ZNF358: variants seen among roughly 807,000 people sequenced by gnomAD.
ZNF358 encodes zinc finger protein 358.
In ZNF358, 1 loss-of-function variant was observed where a neutral mutation model predicts 2.1. The observed-to-expected ratio is 0.49, with a 90% confidence interval of 0.17 to 2.30. The LOEUF is 2.30. ZNF358 is among the 30% of genes most tolerant of loss of function. The pLI, the probability that ZNF358 is intolerant of heterozygous loss-of-function variation, is 0.26. For synonymous variants in ZNF358, 381 were observed against 359.7 expected (o/e 1.06, Z -0.67); for missense variants, 665 against 806.8 (o/e 0.82, Z 2.13).
intron 1 of ZNF358, among the ~76,000 whole-genome samples, chr19:7,518,593 A>AAGAAAGAAAG (rs1555740185): frequency 3.3e-5 from 5 of 150,400 alleles, no homozygotes; most frequent in Admixed American, 6.6e-5. Flanking sequence ...GAAAGAAAGA[A>AAGAAAGAAAG]AGAAAGAATT....
In ZNF358 at chr19:7,516,214, G is replaced by A. The variant is rs1404831792; in HGVS notation, c.-74G>A. ...CCCGGGGGGAGCCGGCGGCCGGCGC[G>A]GGCGCGGCGGGCCGGGCAGGGGCGA... On this transcript the variant is annotated 5_prime_UTR_variant, in exon 1 of 2. Coordinates refer to ENST00000597229, the MANE Select transcript of ZNF358 (RefSeq NM_018083.5). This position sits in a 1 kb window ranked among gnomAD's most constrained non-coding sequence, Gnocchi z 5.9. 1 of 140,550 alleles carries A rather than the reference G, an allele frequency of 7.1e-6. No homozygotes were observed. Among genetic ancestry groups the A allele is most frequent in the Non-Finnish European group, 1.6e-5 (1 of 63,400 alleles). The allele number at this position is 140,550 out of a possible 1,614,324, so 8.7% of individuals were successfully genotyped here.
At chr19:7,519,061 T>G in intron 1 of ZNF358, 144 bp from the exon 2 acceptor site, 1 of 833,476 alleles carries the variant, frequency 1.2e-6, no homozygotes, top group Non-Finnish European at 1.6e-6. Flanking sequence ...CGAGACCCCA[T>G]CTCAAAAAAA....
rs935081624 is a variant in ZNF358, at chr19:7,519,583, G to A, written c.341G>A (p.Ser114Asn). The A allele has an allele frequency of 8.7e-6, 14 of 1,600,104 alleles. No homozygotes were observed. Among genetic ancestry groups the A allele is most frequent in the Non-Finnish European group, 1.2e-5 (14 of 1,179,876 alleles). Reference protein sequence around the residue: ...LILDPNSDTLSPGDPKVDPIS... With the variant: ...LILDPNSDTLNPGDPKVDPIS... Reference sequence around the variant, plus strand: ...CTCGATCCTAACAGCGACACCCTCAGCCCCGGCGATCCAAAAGTGGACCCC... The same window carrying A: ...CTCGATCCTAACAGCGACACCCTCAACCCCGGCGATCCAAAAGTGGACCCC... The change falls in exon 2 of 2, where the codon AGC becomes AAC. Residue 114 changes from serine (S) to asparagine (N), a missense_variant. Ser to Asn is a conservative substitution (Grantham distance 46). Coordinates refer to ENST00000597229, the MANE Select transcript of ZNF358 (RefSeq NM_018083.5).
chr19:7,518,541 AAGAAAG>A (rs1317385668), intron 1 of ZNF358, among the ~76,000 whole-genome samples: 17 of 86,006 alleles, frequency 2.0e-4, no homozygotes, highest in African/African-American at 8.2e-4. Flanking sequence ...GAAAGAAAGA[AAGAAAG>A]AGAGAGAGAG....
Position 7,520,471 on chromosome 19 carries a change from C to T in ZNF358, c.1229C>T (p.Ala410Val). 3.2e-6 allele frequency: 4 copies of T among 1,234,624 alleles called. No individual in the cohort carries two copies. The highest frequency in any genetic ancestry group is 4.4e-6 in the Non-Finnish European group (4 of 916,188). 76.5% of individuals were successfully genotyped at this position (1,234,624 alleles called of 1,614,324 possible). The change falls in exon 2 of 2, where the codon GCA (alanine) becomes GTA (valine). Residue 410 changes from alanine (A) to valine (V), a missense_variant. Physicochemically the swap from Ala to Val is moderately conservative, Grantham distance 64 (BLOSUM62 0). Around this residue, in one of 3 missense-constraint regions of ZNF358, gnomAD observed 249 missense variants for 227.6 expected, o/e 1.09. Transcript: ENST00000597229. This position sits in a 1 kb window ranked among gnomAD's most constrained non-coding sequence, Gnocchi z 6.0. ...AAAAAAAAAA[A>V]AAAAAAGLGL... is the part of the protein sequence containing the mutation. ...GCTGCTGCAGCTGCCGCGGCCGCTG[C>T]AGCTGCAGCAGCGGCCGCCGGCCTG...
chr19:7,518,114 T>A (rs1435616899), intron 1 of ZNF358, among the ~76,000 whole-genome samples: 1 of 152,154 alleles, frequency 6.6e-6, no homozygotes, highest in Non-Finnish European at 1.5e-5. Flanking sequence ...GGAGCCCAGG[T>A]TGGAGAGAGG....
Position 7,520,002 on chromosome 19 carries a change from C to T in ZNF358, c.760C>T (p.Leu254=). The change falls in exon 2 of 2, where the codon CTG becomes TTG. Residue 254 remains leucine (L), a synonymous_variant. Transcript: ENST00000597229. This position sits in a 1 kb window ranked among gnomAD's most constrained non-coding sequence, Gnocchi z 6.0. ...GCACGGCTCGCTCCTGGCACAGCAC[C>T]TGCGCACGCACGGCGGCCCGCGGCC... ...FGHGSLLAQH[L]RTHGGPRPHK... is the part of the protein sequence containing the mutation. 12 of 1,525,150 alleles carry T rather than the reference C, an allele frequency of 7.9e-6. No individual in the cohort carries two copies. Among genetic ancestry groups the T allele is most frequent in the Non-Finnish European group, 1.1e-5 (12 of 1,141,916 alleles). 94.5% of individuals were successfully genotyped at this position (1,525,150 alleles called of 1,614,324 possible).
upstream of ZNF358, among the ~76,000 whole-genome samples, chr19:7,515,834 G>A (rs1358078975): frequency 6.6e-6 from 1 of 152,126 alleles, no homozygotes; most frequent in Admixed American, 6.6e-5. Flanking sequence ...GATAGGGACG[G>A]AGAGAGACAG....
chr19:7,519,807 A>T lies in ZNF358; in HGVS notation c.565A>T (p.Ser189Cys), dbSNP rs1262207923. The part of the protein sequence containing the change: ...YRCPDCGKSF[S>C]HGATLAQHRG... The stretch of plus-strand genomic sequence containing the variant: ...CTGCCCCGACTGCGGGAAGTCCTTC[A>T]GCCACGGTGCCACCCTGGCTCAGCA... The change falls in exon 2 of 2, where the codon AGC (serine) becomes TGC (cysteine). Residue 189 changes from serine to cysteine, a missense_variant. Transcript: ENST00000597229. 1 of 1,527,302 alleles carries T rather than the reference A, an allele frequency of 6.5e-7. No homozygotes were observed. The highest frequency in any genetic ancestry group is 8.7e-7 in the Non-Finnish European group (1 of 1,143,528). The allele number at this position is 1,527,302 out of a possible 1,614,324, so 94.6% of individuals were successfully genotyped here.
At chr19:7,514,535 G>A (rs555979238), upstream of ZNF358, among the ~76,000 whole-genome samples, 1 of 152,350 alleles carries the variant, frequency 6.6e-6, no homozygotes, top group South Asian at 2.1e-4. Context: ...GAAGGTTCAG[G>A]AAGGAAGAAG....
At position 7,520,856 on chromosome 19, in the gene ZNF358, TC is replaced by T; in HGVS notation, c.1617del (p.Thr540LeufsTer?). The T allele has an allele frequency of 1.2e-5, 20 of 1,614,020 alleles. No individual in the cohort carries two copies. The highest frequency in any genetic ancestry group is 1.7e-5 in the Non-Finnish European group (20 of 1,179,988). On this transcript the variant is annotated frameshift_variant, in exon 2 of 2. Transcript: ENST00000597229. LOFTEE classifies it low-confidence loss of function (END_TRUNC). This position sits in a 1 kb window ranked among gnomAD's most constrained non-coding sequence, Gnocchi z 6.0. ...CTGTGTCCTGCCCTGACCCCTGTTC[TC>T]CCACTCGTGGCACTGTCAGCCCAGC... ...NPVSCPDPCS[P>X]TRGTVSPALP...
At chr19:7,515,608 T>C (rs1306682471), upstream of ZNF358, among the ~76,000 whole-genome samples, 4 of 152,016 alleles carry the variant, frequency 2.6e-5, no homozygotes, top group Admixed American at 6.6e-5. Context: ...AAGAACAACA[T>C]GTGTAGAGTT....
chr19:7,515,677 CAG>C (rs1482714324), upstream of ZNF358, among the ~76,000 whole-genome samples: 1 of 151,768 alleles, frequency 6.6e-6, no homozygotes, highest in Non-Finnish European at 1.5e-5. Flanking sequence ...GAGAGAGAGA[CAG>C]ACAGACACAG....
In ZNF358 at chr19:7,519,505, T is replaced by G. The variant is rs371022931; in HGVS notation, c.263T>G (p.Met88Arg). The G allele has an allele frequency of 1.2e-6, 2 of 1,612,460 alleles. No homozygotes were observed. The highest frequency in any genetic ancestry group is 1.7e-6 in the Non-Finnish European group (2 of 1,179,942). Reference sequence around the variant, plus strand: ...TCGGAACCCCAAGATCCCGACCCCATGTCTTCGAGTTTCGACCTCGATCCA... The same window carrying G: ...TCGGAACCCCAAGATCCCGACCCCAGGTCTTCGAGTTTCGACCTCGATCCA... ...PGSEPQDPDP[M>R]SSSFDLDPDV... Residue 88 changes from methionine (M) to arginine (R), a missense_variant, in exon 2 of 2, where the codon ATG (methionine) becomes AGG (arginine). By Grantham distance (91) the Met-to-Arg change is moderately conservative. Transcript: ENST00000597229.
chr19:7,519,088 G>A (rs118043255), intron 1 of ZNF358, 117 bp from the exon 2 acceptor site: 5,501 of 533,036 alleles, frequency 0.01, 90 homozygotes, highest in African/African-American at 0.057. Context: ...AAAAAAAAAA[G>A]AAGTGGGTTC....
intron 1 of ZNF358, 117 bp from the exon 2 acceptor site, chr19:7,519,085 AAAG>A (rs1003031527): frequency 3.2e-4 from 371 of 1,172,088 alleles, no homozygotes; most frequent in African/African-American, 1.2e-3. Flanking sequence ...AAAAAAAAAA[AAAG>A]AAGTGGGTTC....
At position 7,519,986 on chromosome 19, in the gene ZNF358, G is replaced by A; in HGVS notation, c.744G>A (p.Ser248=). The A allele has an allele frequency of 6.6e-7, 1 of 1,515,850 alleles. No homozygotes were observed. The highest frequency in any genetic ancestry group is 8.8e-7 in the Non-Finnish European group (1 of 1,137,582). 93.9% of individuals were successfully genotyped at this position (1,515,850 alleles called of 1,614,324 possible). A position where few individuals can be genotyped will look rare whatever the true frequency, so the allele number is the denominator to read the frequency against. The change falls in exon 2 of 2, where the codon TCG becomes TCA. Residue 248 remains serine, a synonymous_variant. Coordinates refer to ENST00000597229, the MANE Select transcript of ZNF358 (RefSeq NM_018083.5). ...GTGGCAAGGCCTTCGGGCACGGCTC[G>A]CTCCTGGCACAGCACCTGCGCACGC... ...PVCGKAFGHG[S]LLAQHLRTHG...
rs1352515330 is a variant in ZNF358, at chr19:7,520,742, C to G, written c.1500C>G (p.His500Gln). 6.2e-7 allele frequency: 1 copy of G among 1,613,936 alleles called. No homozygotes were observed. Among genetic ancestry groups the G allele is most frequent in the African/African-American group, 1.3e-5 (1 of 74,902 alleles). ...AATCTTCTGACCCAAAGGCTGGGCA[C>G]GACGCTGGTCCCGACCTTGTGCCCA... ...PVESSDPKAG[H>Q]DAGPDLVPSP... The change falls in exon 2 of 2, where the codon CAC becomes CAG. Residue 500 changes from histidine to glutamine, a missense_variant. Physicochemically the swap from His to Gln is conservative, Grantham distance 24. This residue lies in a region of ZNF358 where 249 missense variants were observed against 227.6 expected (regional missense o/e 1.09). Coordinates refer to ENST00000597229, the MANE Select transcript of ZNF358 (RefSeq NM_018083.5). The surrounding 1 kb of genome is among the most constrained non-coding windows in gnomAD (Gnocchi z 6.0).
In ZNF358 at chr19:7,520,538, G is replaced by C. The variant is rs990877013; in HGVS notation, c.1296G>C (p.Pro432=). 30 of 1,252,372 alleles carry C rather than the reference G, an allele frequency of 2.4e-5. No homozygotes were observed. The highest frequency in any genetic ancestry group is 1.5e-5 in the African/African-American group (1 of 66,724). The allele number at this position is 1,252,372 out of a possible 1,614,324, so 77.6% of individuals were successfully genotyped here. The change falls in exon 2 of 2, where the codon CCG becomes CCC. Residue 432 remains proline (P), a synonymous_variant. Coordinates refer to ENST00000597229, the MANE Select transcript of ZNF358 (RefSeq NM_018083.5). This position sits in a 1 kb window ranked among gnomAD's most constrained non-coding sequence, Gnocchi z 6.0. ...TAAGCCCTGCATCCATGATGAGGCC[G>C]GGGCAGGTCTCCCTCCTGGGTCCTG... The part of the protein sequence containing the change: ...PGLSPASMMR[P]GQVSLLGPDA...
Sources: allele counts gnomAD v4.1 joint callset (sites outside exome capture counted in the v4.1 genomes callset), GRCh38; gene constraint gnomAD v4.1.1; regional missense constraint gnomAD v4.1.1; non-coding constraint Gnocchi (gnomAD v3.1); transcripts MANE v1.5; gene names NCBI Gene and HGNC (gene_info 2026-07-23, HGNC 2026-07-21).